The following KLHL42 variants were observed in gnomAD, a reference collection of about 807,000 sequenced individuals.
KLHL42 encodes the protein kelch-like protein 42.
KLHL42 carries 27 observed loss-of-function variants against 32.7 expected under a neutral mutation model. The observed-to-expected ratio is 0.83, with a 90% CI of 0.61 to 1.14. The LOEUF is 1.14. Ranked by LOEUF, KLHL42 falls within the 50% of genes most tolerant of loss-of-function variation. KLHL42 has a pLI of 0.00. For synonymous variants in KLHL42, 267 were observed against 248.2 expected (o/e 1.08, Z -0.71); for missense variants, 491 against 560.8 (o/e 0.88, Z 1.26).
At chr12:27,785,666 A>C (rs918931491) in intron 1 of KLHL42, among the ~76,000 whole-genome samples, 4 of 152,090 alleles carry the variant, frequency 2.6e-5, no homozygotes, top group Non-Finnish European at 5.9e-5. Flanking sequence ...TCTCATGCAC[A>C]TTCCCCGACT....
intron 2 of KLHL42, among the ~76,000 whole-genome samples, chr12:27,792,535 A>T (rs1318756532): frequency 1.3e-5 from 2 of 151,914 alleles, no homozygotes; most frequent in Non-Finnish European, 2.9e-5. Flanking sequence ...TTATTTATTT[A>T]TTTTTTGAGA....
chr12:27,783,875 C>T (rs528550348), intron 1 of KLHL42, among the ~76,000 whole-genome samples: 15 of 152,178 alleles, frequency 9.9e-5, no homozygotes, highest in Non-Finnish European at 1.5e-4. Context: ...TGAGCCACCG[C>T]GCCCGGCCTT....
At chr12:27,794,654 C>T (rs1261230865) in intron 2 of KLHL42, among the ~76,000 whole-genome samples, 1 of 151,998 alleles carries the variant, frequency 6.6e-6, no homozygotes, top group Non-Finnish European at 1.5e-5. Context: ...CTGTGCCTGG[C>T]CCAAAGATCC....
chr12:27,788,219 T>C (rs2062181316), intron 1 of KLHL42: 1 of 152,230 alleles, frequency 6.6e-6, no homozygotes, highest in Admixed American at 6.5e-5. Flanking sequence ...GTAAGCAAAC[T>C]TCTTTCTCTA....
chr12:27,797,926 C>T lies in KLHL42; in HGVS notation c.1278C>T (p.Arg426=). The change falls in exon 3 of 3, where the codon CGC becomes CGT. Residue 426 remains arginine (R), a synonymous_variant. Coordinates refer to ENST00000381271, the MANE Select transcript of KLHL42 (RefSeq NM_020782.2). The stretch of plus-strand genomic sequence containing the variant: ...TGCAGTCCTACAACACCGTCACCCG[C>T]CAGTGGCTCTACCTCAAGGAGAACA... ...LTVQSYNTVT[R]QWLYLKENTS... 1 of 781,032 alleles carries T rather than the reference C, an allele frequency of 1.3e-6. No individual in the cohort carries two copies. The highest frequency in any genetic ancestry group is 2.4e-5 in the East Asian group (1 of 41,256). 48.4% of individuals were successfully genotyped at this position (781,032 alleles called of 1,614,324 possible). A position where few individuals can be genotyped will look rare whatever the true frequency, so the allele number is the denominator to read the frequency against.
chr12:27,797,837 G>T lies in KLHL42; in HGVS notation c.1189G>T (p.Gly397Trp). 1 of 779,366 alleles carries T rather than the reference G, an allele frequency of 1.3e-6. No homozygotes were observed. The highest frequency in any genetic ancestry group is 2.4e-6 in the Non-Finnish European group (1 of 416,834). 48.3% of individuals were successfully genotyped at this position (779,366 alleles called of 1,614,324 possible). A position where few individuals can be genotyped will look rare whatever the true frequency, so the allele number is the denominator to read the frequency against. ...TGTGGAAGAGACCATCTACATCGTG[G>T]GGGGGTGTCTCCACGAGCTGGGGCC... is the stretch of plus-strand genomic sequence containing the variant. ...VSVEETIYIV[G>W]GCLHELGPNR... The change falls in exon 3 of 3, where the codon GGG (glycine) becomes TGG (tryptophan). Residue 397 changes from glycine to tryptophan, a missense_variant. Transcript: ENST00000381271.
chr12:27,783,785 T>A (rs931213422), intron 1 of KLHL42, among the ~76,000 whole-genome samples: 1 of 151,918 alleles, frequency 6.6e-6, no homozygotes. Flanking sequence ...GGGGTTTCAC[T>A]GTGTTAGACA....
intron 1 of KLHL42, among the ~76,000 whole-genome samples, chr12:27,785,844 A>G (rs776042949): frequency 2.0e-5 from 3 of 152,250 alleles, no homozygotes; most frequent in Non-Finnish European, 4.4e-5. Flanking sequence ...CATTATTGTA[A>G]TAAAAGTTAA....
Position 27,799,991 on chromosome 12 carries a change from C to T in KLHL42, c.*1825C>T, listed in dbSNP as rs1022074462. 1 of 885,230 alleles carries T rather than the reference C, an allele frequency of 1.1e-6. No homozygotes were observed. The highest frequency in any genetic ancestry group is 1.4e-6 in the Non-Finnish European group (1 of 738,874). 54.8% of individuals were successfully genotyped at this position (885,230 alleles called of 1,614,324 possible). On this transcript the variant is annotated 3_prime_UTR_variant, in exon 3 of 3. Coordinates refer to ENST00000381271, the MANE Select transcript of KLHL42 (RefSeq NM_020782.2). The stretch of plus-strand genomic sequence containing the variant: ...ATAGATTTTAATGTTAATTTATATT[C>T]ATTGTAGAATTGAATTTCCAGTGAC...
At chr12:27,786,427 G>A (rs1450394935) in intron 1 of KLHL42, among the ~76,000 whole-genome samples, 1 of 152,178 alleles carries the variant, frequency 6.6e-6, no homozygotes, top group Non-Finnish European at 1.5e-5. Flanking sequence ...TTTAGGTGAT[G>A]AGACAAGTAA....
At chr12:27,792,642 G>A (rs1380244689) in intron 2 of KLHL42, among the ~76,000 whole-genome samples, 1 of 152,070 alleles carries the variant, frequency 6.6e-6, no homozygotes, top group Non-Finnish European at 1.5e-5. Context: ...TCCTGCCTCA[G>A]CCCCCCAAGT....
intron 1 of KLHL42, chr12:27,787,486 CTT>C (rs1264371454): frequency 9.5e-6 from 1 of 105,524 alleles, no homozygotes. Flanking sequence ...CAGAGTGAGA[CTT>C]TGTCTCAAAA....
At position 27,781,086 on chromosome 12, in the gene KLHL42, C is replaced by G; in HGVS notation, c.756C>G (p.Asp252Glu). Residue 252 changes from aspartate (D) to glutamate (E), a missense_variant, in exon 1 of 3, where the codon GAC becomes GAG. By Grantham distance (45) the Asp-to-Glu change is conservative (BLOSUM62 2). Around this residue, in one of 4 missense-constraint regions of KLHL42, gnomAD observed 248 missense variants for 329.2 expected, o/e 0.75. Coordinates refer to ENST00000381271, the MANE Select transcript of KLHL42 (RefSeq NM_020782.2). ...GGGGCTATGGGTCTGCCATCCTGGA[C>G]AACTACCTCTTCATAGTGGGCGGGT... is the stretch of plus-strand genomic sequence containing the variant. ...NVRGYGSAIL[D>E]NYLFIVGGYR... 6.2e-7 allele frequency: 1 copy of G among 1,614,184 alleles called. No homozygotes were observed. Among genetic ancestry groups the G allele is most frequent in the Non-Finnish European group, 8.5e-7 (1 of 1,180,032 alleles).
chr12:27,795,855 C>A (rs2062216197), intron 2 of KLHL42, among the ~76,000 whole-genome samples: 1 of 152,168 alleles, frequency 6.6e-6, no homozygotes, highest in Admixed American at 6.5e-5. Context: ...ACAAAAAGAT[C>A]ATTCCACCAA....
intron 1 of KLHL42, among the ~76,000 whole-genome samples, chr12:27,790,083 GT>G (rs996763205): frequency 2.0e-5 from 3 of 152,088 alleles, no homozygotes; most frequent in Non-Finnish European, 4.4e-5. Flanking sequence ...CCTTATATAA[GT>G]TTTTTGTGTG....
At chr12:27,794,523 ACT>A (rs2062210628) in intron 2 of KLHL42, among the ~76,000 whole-genome samples, 1 of 151,960 alleles carries the variant, frequency 6.6e-6, no homozygotes, top group Admixed American at 6.6e-5. Context: ...ATGGAGTCTC[ACT>A]CTATTGCCCA....
chr12:27,800,707 C>CAA lies in KLHL42; in HGVS notation c.*2541_*2542insAA. 1 of 146,006 alleles carries CAA rather than the reference C, an allele frequency of 6.8e-6. No homozygotes were observed. The highest frequency in any genetic ancestry group is 1.5e-5 in the Non-Finnish European group (1 of 67,078). The allele number at this position is 146,006 out of a possible 1,614,324, so 9.0% of individuals were successfully genotyped here. A position where few individuals can be genotyped will look rare whatever the true frequency, so the allele number is the denominator to read the frequency against. ...TGGGCGACAGTGCAAGACTCTGTCTCCAAAAAAAAAAAAAGAAAAAAGAAA... is the reference window on the plus strand; with the variant it reads ...TGGGCGACAGTGCAAGACTCTGTCTCAACAAAAAAAAAAAAAGAAAAAAGAAA... On this transcript the variant is annotated 3_prime_UTR_variant, in exon 3 of 3. Transcript: ENST00000381271.
In KLHL42 at chr12:27,797,018, T is replaced by C. The variant is rs1422313213; in HGVS notation, c.1067-697T>C. On this transcript the variant is annotated intron_variant, in intron 2 of 2. Transcript: ENST00000381271. ...TATCTACGCTACAACTGTCATCTTGTGAGGGACATGGGAAATGGGAAAAGG... is the reference window on the plus strand; with the variant it reads ...TATCTACGCTACAACTGTCATCTTGCGAGGGACATGGGAAATGGGAAAAGG... Among the ~76,000 whole-genome samples the C allele has an allele frequency of 2.6e-5, 4 of 152,058 alleles. No homozygotes were observed. The East Asian group carries it at 5.8e-4, about 22-fold the overall frequency.
In KLHL42 at chr12:27,799,179, T is replaced by C. The variant is rs2062233245; in HGVS notation, c.*1013T>C. ...TTTGTGGACTAAGGTAAGGACAGCA[T>C]TTAAATATTTGTGCTGGAGTGAGGG... On this transcript the variant is annotated 3_prime_UTR_variant, in exon 3 of 3. Transcript: ENST00000381271. 6.6e-6 allele frequency: 1 copy of C among 152,360 alleles called. No homozygotes were observed. Among genetic ancestry groups the C allele is most frequent in the Non-Finnish European group, 1.5e-5 (1 of 68,034 alleles). 9.4% of individuals were successfully genotyped at this position (152,360 alleles called of 1,614,324 possible). A position where few individuals can be genotyped will look rare whatever the true frequency, so the allele number is the denominator to read the frequency against.
Sources: gnomAD v4.1 joint callset for allele counts (sites outside exome capture counted in the v4.1 genomes callset) on GRCh38, gnomAD v4.1.1 for gene constraint, gnomAD v4.1.1 regional missense constraint, MANE v1.5 for transcripts, NCBI Gene and HGNC (gene_info 2026-07-23, HGNC 2026-07-21) for gene names.